The following NAA11 variants were observed in gnomAD, a reference collection of about 807,000 sequenced individuals.
NAA11 encodes the protein N-alpha-acetyltransferase 11, NatA catalytic subunit.
Under a neutral mutation model 16.1 loss-of-function variants are expected in NAA11, and 15 were observed. The ratio of observed to expected loss-of-function variants is 0.93; its 90% CI spans 0.62 to 1.44. The LOEUF (loss-of-function observed/expected upper bound fraction) is 1.44. Ranked by LOEUF, NAA11 falls within the 40% of genes most tolerant of loss-of-function variation. The pLI is 0.00. For synonymous variants in NAA11, 122 were observed against 112.4 expected (o/e 1.09, Z -0.54); for missense variants, 298 against 291.3 (o/e 1.02, Z -0.17).
At chr4:79,222,264 C>A (rs1721205579), downstream of NAA11, among the ~76,000 whole-genome samples, 1 of 152,090 alleles carries the variant, frequency 6.6e-6, no homozygotes, top group African/African-American at 2.4e-5. Flanking sequence ...ATTCTTCTCT[C>A]TTTTTTTCTT....
intron 2 of NAA11, among the ~76,000 whole-genome samples, chr4:79,287,265 G>A (rs938531053): frequency 8.5e-5 from 13 of 152,082 alleles, no homozygotes; most frequent in Admixed American, 7.9e-4. Context: ...AGACTCAGGA[G>A]TCAAACAGAC....
the NAA11 span, among the ~76,000 whole-genome samples, chr4:79,195,317 G>A: frequency 6.6e-6 from 1 of 152,082 alleles, no homozygotes; most frequent in Non-Finnish European, 1.5e-5. Flanking sequence ...TGGGTTGGAA[G>A]TGTATTTAAT....
intron 2 of NAA11, among the ~76,000 whole-genome samples, chr4:79,289,837 CTT>C (rs980311607): frequency 6.6e-6 from 1 of 152,078 alleles, no homozygotes; most frequent in Non-Finnish European, 1.5e-5. Context: ...CTTGGATAAA[CTT>C]TGGATTTTTA....
the NAA11 span, among the ~76,000 whole-genome samples, chr4:79,176,943 G>A: frequency 1.3e-5 from 2 of 152,090 alleles, no homozygotes; most frequent in African/African-American, 4.8e-5. Flanking sequence ...CATACCTGGT[G>A]TTCTGTTGTC....
chr4:79,308,124 G>A (rs1295440680), intron 1 of NAA11: 1 of 152,106 alleles, frequency 6.6e-6, no homozygotes, highest in Non-Finnish European at 1.5e-5. Flanking sequence ...AATGTATGCT[G>A]GCAAAACAAT....
At chr4:79,181,688 T>C in the NAA11 span, among the ~76,000 whole-genome samples, 1 of 152,202 alleles carries the variant, frequency 6.6e-6, no homozygotes, top group Non-Finnish European at 1.5e-5. Flanking sequence ...TGTAACCTGC[T>C]CCTGCTTCAG....
the NAA11 span, among the ~76,000 whole-genome samples, chr4:79,170,270 T>A: frequency 2.6e-5 from 4 of 152,178 alleles, no homozygotes; most frequent in Non-Finnish European, 5.9e-5. Context: ...ACAAGGGGCT[T>A]TCCATTTTCA....
intron 2 of NAA11, among the ~76,000 whole-genome samples, chr4:79,273,031 G>C (rs1722534719): frequency 6.6e-6 from 1 of 151,950 alleles, no homozygotes. Context: ...CTCAAAGAGA[G>C]AGTTCCAAAA....
the NAA11 span, among the ~76,000 whole-genome samples, chr4:79,215,933 T>A: frequency 6.6e-6 from 1 of 152,194 alleles, no homozygotes; most frequent in Non-Finnish European, 1.5e-5. Context: ...TTAGAAGAAT[T>A]ATATTATTAA....
At chr4:79,167,022 G>A in the NAA11 span, among the ~76,000 whole-genome samples, 5 of 144,674 alleles carry the variant, frequency 3.5e-5, no homozygotes, top group Admixed American at 3.5e-4. Context: ...ACTGGAATTA[G>A]TCACATGATT....
chr4:79,281,336 T>C (rs992232946), intron 2 of NAA11, among the ~76,000 whole-genome samples: 4 of 151,626 alleles, frequency 2.6e-5, no homozygotes, highest in Admixed American at 1.3e-4. Flanking sequence ...TGATGTGGCA[T>C]AGATAATAAA....
the NAA11 span, among the ~76,000 whole-genome samples, chr4:79,166,798 G>A: frequency 6.7e-6 from 1 of 149,206 alleles, no homozygotes; most frequent in Admixed American, 6.6e-5. Context: ...CAACCTGGGA[G>A]GTGGAAGTTG....
the NAA11 span, among the ~76,000 whole-genome samples, chr4:79,187,952 T>C: frequency 7.9e-6 from 1 of 126,650 alleles, no homozygotes; most frequent in Non-Finnish European, 1.5e-5. Context: ...TGAGCCGAGA[T>C]CGCGCCACTG....
At chr4:79,189,145 C>CAAAAAAA in the NAA11 span, among the ~76,000 whole-genome samples, 35 of 42,274 alleles carry the variant, frequency 8.3e-4, 8 homozygotes, top group South Asian at 2.3e-3. Flanking sequence ...GACTCCATCT[C>CAAAAAAA]AAAAAAAAAA....
At chr4:79,176,296 C>A in the NAA11 span, among the ~76,000 whole-genome samples, 2 of 152,076 alleles carry the variant, frequency 1.3e-5, no homozygotes, top group Non-Finnish European at 2.9e-5. Flanking sequence ...TAGATCAATT[C>A]TTTTGTGTAT....
At chr4:79,177,220 T>C in the NAA11 span, among the ~76,000 whole-genome samples, 1 of 152,058 alleles carries the variant, frequency 6.6e-6, no homozygotes, top group Non-Finnish European at 1.5e-5. Context: ...CTTCAGCTCA[T>C]AATGTTTTGG....
intron 1 of NAA11, among the ~76,000 whole-genome samples, chr4:79,301,740 G>A (rs1723391020): frequency 6.6e-6 from 1 of 152,192 alleles, no homozygotes; most frequent in Admixed American, 6.5e-5. Context: ...GGGACCAAGT[G>A]TGGAGGAGCC....
chr4:79,217,734 T>A, the NAA11 span, among the ~76,000 whole-genome samples: 1 of 152,140 alleles, frequency 6.6e-6, no homozygotes, highest in South Asian at 2.1e-4. Context: ...GATAAAAGAT[T>A]TAGAAAATTC....
At chr4:79,235,256 C>T (rs1468447711) in intron 2 of NAA11, among the ~76,000 whole-genome samples, 3 of 152,102 alleles carry the variant, frequency 2.0e-5, no homozygotes, top group Non-Finnish European at 4.4e-5. Flanking sequence ...AGGATTCACG[C>T]TTCCCTGACT....
Sources: gnomAD v4.1 joint callset for allele counts (sites outside exome capture counted in the v4.1 genomes callset) on GRCh38, gnomAD v4.1.1 for gene constraint, MANE v1.5 for transcripts, NCBI Gene and HGNC (gene_info 2026-07-23, HGNC 2026-07-21) for gene names.